LMNTD1: variants seen among roughly 807,000 people sequenced by gnomAD.
LMNTD1 encodes lamin tail domain-containing protein 1.
A neutral mutation model predicts 50.9 loss-of-function variants in LMNTD1; 35 were observed. The ratio of observed to expected loss-of-function variants is 0.69; its 90% CI spans 0.53 to 0.91. The LOEUF is 0.91. Ranked by LOEUF, LMNTD1 falls within the 40% of genes least tolerant of loss-of-function variation. The pLI is 0.00. For synonymous variants in LMNTD1, 153 were observed against 161.9 expected, an observed-to-expected ratio of 0.94 and a Z score of 0.42; for missense variants, 470 against 475.5, an observed-to-expected ratio of 0.99 and a Z score of 0.11.
At chr12:25,590,423 G>A (rs1367606931) in intron 1 of LMNTD1, among the ~76,000 whole-genome samples, 1 of 152,218 alleles carries the variant, frequency 6.6e-6, no homozygotes. Flanking sequence ...CCTTGCCACT[G>A]CAGGCTAAAG....
At chr12:25,552,829 C>T (rs1463277634) in intron 2 of LMNTD1, 42 bp downstream of exon 2, 37 of 1,205,568 alleles carry the variant, frequency 3.1e-5, no homozygotes, top group Non-Finnish European at 4.4e-5. Context: ...TCCTCTATAA[C>T]TCAGCTCTAA....
chr12:25,527,874 A>G (rs1941929933), intron 4 of LMNTD1, among the ~76,000 whole-genome samples: 1 of 151,416 alleles, frequency 6.6e-6, no homozygotes, highest in African/African-American at 2.4e-5. Flanking sequence ...TTTAAAACAT[A>G]TTTGAAGCAA....
At chr12:25,597,628 T>A (rs1945871354) in intron 1 of LMNTD1, among the ~76,000 whole-genome samples, 1 of 152,156 alleles carries the variant, frequency 6.6e-6, no homozygotes, top group Non-Finnish European at 1.5e-5. Flanking sequence ...AGACTTGATA[T>A]ACACTATAGG....
intron 1 of LMNTD1, among the ~76,000 whole-genome samples, chr12:25,642,193 C>T (rs1946970311): frequency 6.6e-6 from 1 of 152,120 alleles, no homozygotes; most frequent in Admixed American, 6.6e-5. Flanking sequence ...GAGAAGGAAG[C>T]TTATGAACTG....
intron 4 of LMNTD1, among the ~76,000 whole-genome samples, chr12:25,539,267 A>G (rs1051123255): frequency 9.9e-5 from 15 of 151,142 alleles, no homozygotes; most frequent in Non-Finnish European, 1.9e-4. Flanking sequence ...TCAACAGAAT[A>G]TACATTTTTT....
chr12:25,561,708 G>A (rs1164443801), intron 1 of LMNTD1, among the ~76,000 whole-genome samples: 4 of 152,132 alleles, frequency 2.6e-5, no homozygotes, highest in Non-Finnish European at 5.9e-5. Flanking sequence ...TTAACTTTCT[G>A]TCTCGTTGAT....
At chr12:25,528,009 G>A (rs915333994) in intron 4 of LMNTD1, among the ~76,000 whole-genome samples, 25 of 151,894 alleles carry the variant, frequency 1.6e-4, no homozygotes, top group African/African-American at 5.3e-4. Flanking sequence ...CCCTGACAGG[G>A]TGTTATATGA....
intron 9 of LMNTD1, among the ~76,000 whole-genome samples, chr12:25,484,898 C>G (rs919682858): frequency 7.4e-5 from 11 of 148,030 alleles, no homozygotes; most frequent in African/African-American, 2.0e-4. Context: ...TTAATCCAGT[C>G]TATCATTGTT....
chr12:25,594,672 A>C (rs1305948400), intron 1 of LMNTD1, among the ~76,000 whole-genome samples: 3 of 147,508 alleles, frequency 2.0e-5, no homozygotes, highest in South Asian at 2.1e-4. Flanking sequence ...AAAAAAAAAA[A>C]AAAACCCAAG....
At chr12:25,603,682 C>A (rs1242423088) in intron 1 of LMNTD1, among the ~76,000 whole-genome samples, 2 of 151,958 alleles carry the variant, frequency 1.3e-5, no homozygotes, top group African/African-American at 4.8e-5. Context: ...CCTCACGAAG[C>A]TGACATGCTA....
intron 1 of LMNTD1, among the ~76,000 whole-genome samples, chr12:25,624,646 A>G (rs1946547334): frequency 1.3e-5 from 2 of 152,242 alleles, no homozygotes; most frequent in Admixed American, 1.3e-4. Context: ...GGCACATTCA[A>G]ATAGAGTATA....
rs141740460 is a variant in LMNTD1 at position 25,565,799 on chromosome 12, C to T, written c.59-19245G>A. ...TCTGGTGTTGAAATCCCTCAGCTTC[C>T]GATTGTCTGAAAAAGTCTTTATTTC... On this transcript the variant is annotated intron_variant, in intron 1 of 7. Coordinates refer to the LMNTD1 transcript ENST00000445693. 5.9e-3 allele frequency among the ~76,000 whole-genome samples: 899 copies of T among 152,214 alleles called. 5 individuals are homozygous for T. Among genetic ancestry groups the T allele is most frequent in the Non-Finnish European group, 8.2e-3 (556 of 67,998 alleles).
intron 1 of LMNTD1, among the ~76,000 whole-genome samples, chr12:25,614,930 G>A (rs1214566516): frequency 6.6e-6 from 1 of 152,102 alleles, no homozygotes; most frequent in Non-Finnish European, 1.5e-5. Context: ...TTGATGTCTG[G>A]GTTCTAATCG....
intron 1 of LMNTD1, among the ~76,000 whole-genome samples, chr12:25,602,932 A>G (rs1468449967): frequency 6.6e-6 from 1 of 152,060 alleles, no homozygotes; most frequent in African/African-American, 2.4e-5. Flanking sequence ...GTTTCTATAA[A>G]TTCACACTGA....
rs2136030846 is a variant in LMNTD1, at chr12:25,519,048, AAGCAT to A, written c.1017-86_1017-82del. The A allele has an allele frequency of 2.3e-6, 3 of 1,320,284 alleles. No individual in the cohort carries two copies. The East Asian group carries it at 7.0e-5, about 31-fold the overall frequency. The allele number at this position is 1,320,284 out of a possible 1,614,324, so 81.8% of individuals were successfully genotyped here. A position where few individuals can be genotyped will look rare whatever the true frequency, so the allele number is the denominator to read the frequency against. On this transcript the variant is annotated intron_variant, in intron 7 of 9. Coordinates refer to ENST00000458174, the MANE Select transcript of LMNTD1 (RefSeq NM_001145728.2). ...AATGTTGAAGGCACAATTAAAGGGG[AAGCAT>A]ATTTCAAAACCAAGAGAATATGACT...
At chr12:25,487,923 T>C (rs1329076722) in intron 9 of LMNTD1, among the ~76,000 whole-genome samples, 2 of 137,016 alleles carry the variant, frequency 1.5e-5, no homozygotes, top group Non-Finnish European at 1.6e-5. Context: ...AAATTCTGGG[T>C]TGAAAATTCT....
intron 1 of LMNTD1, among the ~76,000 whole-genome samples, chr12:25,605,540 C>A (rs1946079297): frequency 6.6e-6 from 1 of 152,148 alleles, no homozygotes; most frequent in Admixed American, 6.6e-5. Flanking sequence ...GGAAGGGATC[C>A]AGTTTCAGCT....
intron 1 of LMNTD1, among the ~76,000 whole-genome samples, chr12:25,617,191 T>C (rs1223141173): frequency 1.3e-5 from 2 of 152,216 alleles, no homozygotes; most frequent in African/African-American, 4.8e-5. Flanking sequence ...TAATTAGCTA[T>C]AGTATTTAAT....
chr12:25,500,156 T>C (rs568057023), intron 9 of LMNTD1, among the ~76,000 whole-genome samples: 1 of 152,292 alleles, frequency 6.6e-6, no homozygotes, highest in African/African-American at 2.4e-5. Context: ...ATATTATCAG[T>C]GCAGAGATTG....
Sources: allele counts gnomAD v4.1 joint callset (sites outside exome capture counted in the v4.1 genomes callset), GRCh38; gene constraint gnomAD v4.1.1; transcripts MANE v1.5; gene names NCBI Gene and HGNC (gene_info 2026-07-23, HGNC 2026-07-21).